EDIL3: variants seen among roughly 807,000 people sequenced by gnomAD.
The protein encoded by EDIL3 is EGF-like repeat and discoidin I-like domain-containing protein 3.
Under a neutral mutation model 67.4 loss-of-function variants are expected in EDIL3, and 37 were observed. That is an observed-to-expected ratio of 0.55 (90% CI 0.42 to 0.72). The LOEUF is 0.72. Among genes scored for constraint, EDIL3 ranks in the 30% least tolerant of loss-of-function variants. The probability of loss-of-function intolerance (pLI) is 0.00; values close to 1 mark genes in which losing one functional copy is unlikely to be tolerated. For missense variants in EDIL3, 527 were observed against 586.3 expected, an observed-to-expected ratio of 0.90 and a Z score of 1.04; for synonymous variants, 195 against 196.3, an observed-to-expected ratio of 0.99 and a Z score of 0.05.
chr5:83,957,463 T>C (rs1251644736), intron 10 of EDIL3, among the ~76,000 whole-genome samples: 1 of 151,708 alleles, frequency 6.6e-6, no homozygotes, highest in Non-Finnish European at 1.5e-5. Context: ...AACATTCAAA[T>C]TTAATTTCAG....
At chr5:84,048,175 G>T in intron 9 of EDIL3, 1 of 395,128 alleles carries the variant, frequency 2.5e-6, no homozygotes, top group South Asian at 1.9e-5. Flanking sequence ...GAGAAATATT[G>T]GAACTGTGAT....
chr5:84,276,803 A>G (rs1745591253), intron 1 of EDIL3, among the ~76,000 whole-genome samples: 1 of 151,654 alleles, frequency 6.6e-6, no homozygotes, highest in South Asian at 2.1e-4. Flanking sequence ...CAAACTCCTG[A>G]CCTCGCGATC....
intron 9 of EDIL3, among the ~76,000 whole-genome samples, chr5:83,992,724 G>A (rs1396285259): frequency 2.6e-5 from 4 of 151,926 alleles, no homozygotes; most frequent in East Asian, 1.9e-4. Context: ...ATCACAGCAC[G>A]AAGTAATGAA....
At position 84,160,813 on chromosome 5, in the gene EDIL3, TCC is replaced by T. The variant is rs1561449452; in HGVS notation, c.355+19578_355+19579del. ...TCCTTTCCTTTCCTTTCCTTTCCTT[TCC>T]TTTCCCTTTCCTTTTCCTTTCCTTT... On this transcript the variant is annotated intron_variant, in intron 4 of 10. Transcript: ENST00000296591. Among the ~76,000 whole-genome samples the T allele has an allele frequency of 4.5e-3, 602 of 134,114 alleles. 12 individuals are homozygous for T. The highest frequency in any genetic ancestry group is 0.016 in the African/African-American group (516 of 31,736). The allele number at this position is 134,114 out of a possible 152,430, so 88.0% of individuals were successfully genotyped here.
rs371388857 is a variant in EDIL3, at chr5:84,219,588, T to C, written c.226+10267A>G. 2.6e-5 allele frequency among the ~76,000 whole-genome samples: 4 copies of C among 152,210 alleles called. No homozygotes were observed. The South Asian group carries it at 8.3e-4, about 32-fold the overall frequency. On this transcript the variant is annotated intron_variant, in intron 3 of 10. Coordinates refer to ENST00000296591, the MANE Select transcript of EDIL3 (RefSeq NM_005711.5). Reference sequence around the variant, plus strand: ...AAAAAACTAAAATAGAACTACCAGATGATCCAGAAATCCCACTGCTAGGTA... The same window carrying C: ...AAAAAACTAAAATAGAACTACCAGACGATCCAGAAATCCCACTGCTAGGTA...
At chr5:84,044,056 C>T (rs777473933) in intron 9 of EDIL3, among the ~76,000 whole-genome samples, 25 of 152,188 alleles carry the variant, frequency 1.6e-4, no homozygotes, top group Non-Finnish European at 3.5e-4. Context: ...TATCCCTCTC[C>T]TTGACCCCAC....
intron 9 of EDIL3, among the ~76,000 whole-genome samples, chr5:84,021,647 C>T (rs755219880): frequency 2.0e-5 from 3 of 151,856 alleles, no homozygotes; most frequent in East Asian, 1.9e-4. Flanking sequence ...ATGTTCTATG[C>T]GCTGATGAGA....
chr5:83,996,344 C>T (rs748829518), intron 9 of EDIL3, among the ~76,000 whole-genome samples: 6 of 152,182 alleles, frequency 3.9e-5, no homozygotes, highest in African/African-American at 7.2e-5. Context: ...AAGTACCCCT[C>T]TCTTTATCCC....
chr5:84,045,869 A>T (rs1439078430), intron 9 of EDIL3, among the ~76,000 whole-genome samples: 1 of 152,224 alleles, frequency 6.6e-6, no homozygotes, highest in Admixed American at 6.5e-5. Context: ...TTCATAAATG[A>T]GAGACATTTA....
At chr5:84,042,289 T>G (rs889202050) in intron 9 of EDIL3, among the ~76,000 whole-genome samples, 4 of 148,568 alleles carry the variant, frequency 2.7e-5, no homozygotes, top group Non-Finnish European at 5.9e-5. Flanking sequence ...AAATGGAAAT[T>G]TTTTTTTTTT....
intron 2 of EDIL3, among the ~76,000 whole-genome samples, chr5:84,250,917 T>C (rs921102534): frequency 2.6e-5 from 4 of 152,164 alleles, no homozygotes; most frequent in African/African-American, 9.6e-5. Flanking sequence ...GTAACTAATA[T>C]GTAAGGAAAA....
chr5:84,349,276 A>AT (rs1747305522), intron 1 of EDIL3, among the ~76,000 whole-genome samples: 1 of 152,118 alleles, frequency 6.6e-6, no homozygotes, highest in African/African-American at 2.4e-5. Context: ...TTAATTGACA[A>AT]TAGCCGTTCC....
intron 1 of EDIL3, among the ~76,000 whole-genome samples, chr5:84,377,671 C>G (rs574505039): frequency 6.6e-6 from 1 of 152,190 alleles, no homozygotes; most frequent in East Asian, 1.9e-4. Context: ...AGATTATCAT[C>G]TTCAAATCAA....
intron 1 of EDIL3, among the ~76,000 whole-genome samples, chr5:84,358,935 A>G (rs1747543157): frequency 6.6e-6 from 1 of 152,104 alleles, no homozygotes; most frequent in Non-Finnish European, 1.5e-5. Context: ...AAGCAGTTCC[A>G]AAAAGAATTT....
intron 2 of EDIL3, among the ~76,000 whole-genome samples, chr5:84,242,328 C>T (rs1057208950): frequency 2.0e-5 from 3 of 152,082 alleles, no homozygotes; most frequent in African/African-American, 7.2e-5. Context: ...GATTAAGTAA[C>T]TTGCTCAAAG....
chr5:84,361,635 T>G (rs1489596154), intron 1 of EDIL3, among the ~76,000 whole-genome samples: 2 of 151,888 alleles, frequency 1.3e-5, no homozygotes, highest in Non-Finnish European at 2.9e-5. Flanking sequence ...AGTTTGTAAA[T>G]GTCATTATTT....
intron 1 of EDIL3, among the ~76,000 whole-genome samples, chr5:84,312,520 C>T (rs1435311593): frequency 6.9e-6 from 1 of 144,842 alleles, no homozygotes; most frequent in Non-Finnish European, 1.5e-5. Context: ...CTGACCCCCC[C>T]ACCTCCCTCC....
At chr5:84,078,627 A>C (rs1350048814) in intron 6 of EDIL3, 1 of 152,202 alleles carries the variant, frequency 6.6e-6, no homozygotes, top group African/African-American at 2.4e-5. Flanking sequence ...AAGATACCTT[A>C]CCCAGACTGA....
chr5:84,355,565 T>C (rs1385507719), intron 1 of EDIL3, among the ~76,000 whole-genome samples: 4 of 152,070 alleles, frequency 2.6e-5, no homozygotes, highest in African/African-American at 9.7e-5. Flanking sequence ...CTGCTGGAGT[T>C]TGCTGGAGGT....
Sources: gnomAD v4.1 joint callset for allele counts (sites outside exome capture counted in the v4.1 genomes callset) on GRCh38, gnomAD v4.1.1 for gene constraint, MANE v1.5 for transcripts, NCBI Gene and HGNC (gene_info 2026-07-23, HGNC 2026-07-21) for gene names.